The following DYNC1I1 variants were observed in gnomAD, a reference collection of about 807,000 sequenced individuals.
The protein encoded by DYNC1I1 is cytoplasmic dynein 1 intermediate chain 1.
A neutral mutation model predicts 86.6 loss-of-function variants in DYNC1I1; 43 were observed. That is an observed-to-expected ratio of 0.50 (90% CI 0.39 to 0.64). The LOEUF is 0.64. Ranked by LOEUF, DYNC1I1 falls within the 30% of genes least tolerant of loss-of-function variation. The probability of loss-of-function intolerance (pLI) is 0.00; values close to 1 mark genes in which losing one functional copy is unlikely to be tolerated. For missense variants in DYNC1I1, 604 were observed against 788.8 expected (o/e 0.77, Z 2.81); for synonymous variants, 262 against 283.7 (o/e 0.92, Z 0.77).
chr7:95,911,231 GT>G (rs1791326593), intron 6 of DYNC1I1, among the ~76,000 whole-genome samples: 1 of 152,190 alleles, frequency 6.6e-6, no homozygotes, highest in African/African-American at 2.4e-5. Context: ...AAACTTCACA[GT>G]TTTGGAGGTT....
chr7:95,939,611 G>A (rs1792144978), intron 6 of DYNC1I1, among the ~76,000 whole-genome samples: 1 of 150,550 alleles, frequency 6.6e-6, no homozygotes, highest in Non-Finnish European at 1.5e-5. Flanking sequence ...CAGAGACTAG[G>A]ATTGCAACCC....
chr7:95,940,655 C>T (rs1187965161), intron 6 of DYNC1I1, among the ~76,000 whole-genome samples: 1 of 152,210 alleles, frequency 6.6e-6, no homozygotes, highest in African/African-American at 2.4e-5. Context: ...CTATCAGCTC[C>T]TTTAAGCACT....
At chr7:95,973,423 G>C (rs1299706227) in intron 6 of DYNC1I1, among the ~76,000 whole-genome samples, 1 of 152,166 alleles carries the variant, frequency 6.6e-6, no homozygotes, top group Non-Finnish European at 1.5e-5. Context: ...CAACTGGTTT[G>C]TAGACACTTT....
chr7:95,975,594 C>A (rs1487120585), intron 6 of DYNC1I1, among the ~76,000 whole-genome samples: 1 of 152,060 alleles, frequency 6.6e-6, no homozygotes, highest in African/African-American at 2.4e-5. Flanking sequence ...CTGCAGTGAC[C>A]CTATTTTCAA....
At chr7:95,892,159 CAG>C (rs536948254) in intron 6 of DYNC1I1, among the ~76,000 whole-genome samples, 213 of 151,318 alleles carry the variant, frequency 1.4e-3, no homozygotes, top group Admixed American at 5.8e-3. Context: ...TAAATTGAGA[CAG>C]AGTCTTGCTC....
At chr7:95,822,304 C>T (rs1477376486) in intron 4 of DYNC1I1, among the ~76,000 whole-genome samples, 1 of 152,084 alleles carries the variant, frequency 6.6e-6, no homozygotes, top group Non-Finnish European at 1.5e-5. Flanking sequence ...TGAAATTCTG[C>T]TTGTCTCTTA....
rs577078719 is a variant in DYNC1I1, at chr7:96,000,258, C to A, written c.969+4185C>A. On this transcript the variant is annotated intron_variant, in intron 10 of 16. Transcript: ENST00000447467. ...AGGTGCTTTATAATTGCCAAATAAA[C>A]TCCATGGCTAAGAATATGAAAACCA... 3.4e-4 allele frequency among the ~76,000 whole-genome samples: 52 copies of A among 152,250 alleles called. 1 individual carries two copies. Among genetic ancestry groups the A allele is most frequent in the African/African-American group, 1.2e-3 (48 of 41,564 alleles).
chr7:95,933,154 A>AT (rs1298585245), intron 6 of DYNC1I1, among the ~76,000 whole-genome samples: 2 of 152,182 alleles, frequency 1.3e-5, no homozygotes, highest in Non-Finnish European at 2.9e-5. Flanking sequence ...AAGTGCTGGG[A>AT]TTACAGATGT....
intron 6 of DYNC1I1, among the ~76,000 whole-genome samples, chr7:95,975,917 C>T (rs755823344): frequency 6.6e-6 from 1 of 152,132 alleles, no homozygotes; most frequent in Non-Finnish European, 1.5e-5. Context: ...CAGGAAGATA[C>T]GTCATGTCGA....
chr7:96,017,569 TTC>T (rs982630542), intron 10 of DYNC1I1, among the ~76,000 whole-genome samples: 2 of 152,170 alleles, frequency 1.3e-5, no homozygotes, highest in African/African-American at 4.8e-5. Flanking sequence ...CTGAAGATGA[TTC>T]TCTCTCTCAA....
intron 10 of DYNC1I1, among the ~76,000 whole-genome samples, chr7:96,011,050 G>T (rs1794263549): frequency 1.3e-5 from 2 of 152,232 alleles, no homozygotes; most frequent in East Asian, 1.9e-4. Context: ...TCGGGAAAAG[G>T]TAGTTTTATT....
chr7:96,072,696 T>A (rs933307593), intron 14 of DYNC1I1, among the ~76,000 whole-genome samples: 1 of 152,182 alleles, frequency 6.6e-6, no homozygotes, highest in Non-Finnish European at 1.5e-5. Flanking sequence ...CTATAACATG[T>A]TTGTGGATCC....
chr7:95,986,925 G>T (rs1447827376), intron 8 of DYNC1I1, 131 bp from the exon 9 acceptor site: 3 of 747,622 alleles, frequency 4.0e-6, no homozygotes, highest in Non-Finnish European at 4.6e-6. Context: ...TTTTGATCAG[G>T]GTATGTAGTC....
At chr7:95,891,367 C>T (rs144291576) in intron 6 of DYNC1I1, among the ~76,000 whole-genome samples, 66 of 152,224 alleles carry the variant, frequency 4.3e-4, no homozygotes, top group African/African-American at 1.5e-3. Flanking sequence ...AACGGTTTTG[C>T]GTTTGGTCTA....
At chr7:95,789,698 C>T (rs1794242882) in intron 1 of DYNC1I1, among the ~76,000 whole-genome samples, 1 of 152,140 alleles carries the variant, frequency 6.6e-6, no homozygotes, top group South Asian at 2.1e-4. Flanking sequence ...TTCACCCTAA[C>T]ATACCTTGCA....
At chr7:95,816,796 G>T (rs1428372675) in intron 4 of DYNC1I1, among the ~76,000 whole-genome samples, 3 of 152,126 alleles carry the variant, frequency 2.0e-5, no homozygotes, top group African/African-American at 7.2e-5. Context: ...ATACAAAAAG[G>T]TCAAAGAAGG....
chr7:96,004,193 GT>G (rs529948802), intron 10 of DYNC1I1, among the ~76,000 whole-genome samples: 6 of 152,088 alleles, frequency 3.9e-5, no homozygotes, highest in South Asian at 2.1e-4. Context: ...TGCTTTTTCC[GT>G]TTTTATATCC....
intron 5 of DYNC1I1, among the ~76,000 whole-genome samples, chr7:95,849,717 A>T (rs920871693): frequency 1.3e-5 from 2 of 152,090 alleles, no homozygotes; most frequent in Non-Finnish European, 2.9e-5. Context: ...TTGTGGTTTC[A>T]TATGAATTTT....
At chr7:95,997,757 A>G (rs879331730) in intron 10 of DYNC1I1, among the ~76,000 whole-genome samples, 6 of 152,148 alleles carry the variant, frequency 3.9e-5, no homozygotes, top group Non-Finnish European at 7.3e-5. Context: ...TACCCTAAAT[A>G]TAGTAACAAG....
Sources: allele counts gnomAD v4.1 joint callset (sites outside exome capture counted in the v4.1 genomes callset), GRCh38; gene constraint gnomAD v4.1.1; transcripts MANE v1.5; gene names NCBI Gene and HGNC (gene_info 2026-07-23, HGNC 2026-07-21).